Variants in AMTN observed in about 807,000 individuals in gnomAD.
The protein encoded by AMTN is RSTI689.
A neutral mutation model predicts 27.4 loss-of-function variants in AMTN; 29 were observed. That is an observed-to-expected ratio of 1.06 (90% CI 0.79 to 1.44). AMTN has a LOEUF of 1.44. Ranked by LOEUF, AMTN falls within the 40% of genes most tolerant of loss-of-function variation. The pLI is 0.00. For missense variants in AMTN, 247 were observed against 248.8 expected (o/e 0.99, Z 0.05); for synonymous variants, 86 against 95.7 (o/e 0.90, Z 0.59).
Position 70,532,527 on chromosome 4 carries a change from A to G in AMTN, c.*62A>G. The G allele has an allele frequency of 7.0e-7, 1 of 1,433,528 alleles. No individual in the cohort carries two copies. Among genetic ancestry groups the G allele is most frequent in the South Asian group, 1.2e-5 (1 of 84,358 alleles). The allele number at this position is 1,433,528 out of a possible 1,614,324, so 88.8% of individuals were successfully genotyped here. A position where few individuals can be genotyped will look rare whatever the true frequency, so the allele number is the denominator to read the frequency against. On this transcript the variant is annotated 3_prime_UTR_variant, in exon 9 of 9. Coordinates refer to ENST00000339336, the MANE Select transcript of AMTN (RefSeq NM_212557.4). ...TTGGTGATACATGTGAATCTTTATC[A>G]TTGATTATATTATGGAATAGATTGA...
intron 8 of AMTN, among the ~76,000 whole-genome samples, chr4:70,532,017 T>C (rs1336024200): frequency 1.3e-5 from 2 of 152,172 alleles, no homozygotes; most frequent in Non-Finnish European, 2.9e-5. Flanking sequence ...TGAAAATACT[T>C]GAAAGCAGAA....
intron 8 of AMTN, 141 bp downstream of exon 8, chr4:70,531,441 C>A: frequency 9.2e-7 from 1 of 1,091,894 alleles, no homozygotes; most frequent in Non-Finnish European, 1.3e-6. Flanking sequence ...CAGTTAACTC[C>A]AGCAACATGA....
chr4:70,520,287 G>C (rs1313053072), intron 2 of AMTN, among the ~76,000 whole-genome samples: 1 of 152,162 alleles, frequency 6.6e-6, no homozygotes, highest in Non-Finnish European at 1.5e-5. Context: ...ATTCAGTATG[G>C]AAACAATACC....
At chr4:70,527,132 T>C (rs910643755) in intron 5 of AMTN, among the ~76,000 whole-genome samples, 1 of 152,236 alleles carries the variant, frequency 6.6e-6, no homozygotes, top group African/African-American at 2.4e-5. Context: ...AAATTTAAAA[T>C]GGGCATTAAA....
intron 5 of AMTN, among the ~76,000 whole-genome samples, 200 bp from the exon 6 acceptor site, chr4:70,528,523 A>T (rs1003540807): frequency 1.3e-5 from 2 of 151,730 alleles, no homozygotes; most frequent in Admixed American, 6.6e-5. Context: ...AGTAGCAGGC[A>T]ACTGTAATCC....
At chr4:70,518,931 T>C (rs1399987218) in intron 2 of AMTN, 100 bp downstream of exon 2, 2 of 942,806 alleles carry the variant, frequency 2.1e-6, no homozygotes, top group East Asian at 4.8e-5. Context: ...TGCTCTGTTT[T>C]GTGACTCATT....
intron 5 of AMTN, among the ~76,000 whole-genome samples, chr4:70,527,702 C>T (rs1456135741): frequency 6.6e-6 from 1 of 152,162 alleles, no homozygotes; most frequent in African/African-American, 2.4e-5. Flanking sequence ...ATTTTGATTA[C>T]TTTCCTGACA....
At chr4:70,525,037 T>A in intron 5 of AMTN, 76 bp downstream of exon 5, 1 of 1,400,512 alleles carries the variant, frequency 7.1e-7, no homozygotes, top group Non-Finnish European at 9.9e-7. Flanking sequence ...AGTAGAAATT[T>A]TTTAAAGCTT....
Position 70,518,782 on chromosome 4 carries a change from G to C in AMTN, c.5G>C (p.Arg2Thr). The C allele has an allele frequency of 1.9e-6, 3 of 1,604,720 alleles. No homozygotes were observed. Among genetic ancestry groups the C allele is most frequent in the Non-Finnish European group, 2.6e-6 (3 of 1,171,868 alleles). Residue 2 changes from arginine (R) to threonine (T), a missense_variant, in exon 2 of 9, where the codon AGG (arginine) becomes ACG (threonine). By Grantham distance (71) the Arg-to-Thr change is moderately conservative. Coordinates refer to ENST00000339336, the MANE Select transcript of AMTN (RefSeq NM_212557.4). ...TTGTAGGTAGCAATCTGAAACATGA[G>C]GAGTACGATTCTACTGTTTTGTCTT... M[R>T]STILLFCLLG...
intron 2 of AMTN, among the ~76,000 whole-genome samples, 162 bp from the exon 3 acceptor site, chr4:70,522,593 A>G (rs574797118): frequency 4.6e-5 from 7 of 152,230 alleles, no homozygotes; most frequent in South Asian, 4.2e-4. Flanking sequence ...TCCACTCTAC[A>G]TGTCCTACCA....
chr4:70,532,330 A>C, intron 8 of AMTN, 125 bp from the exon 9 acceptor site: 22 of 699,872 alleles, frequency 3.1e-5, no homozygotes, highest in Non-Finnish European at 4.4e-5. Context: ...AAATATCCTT[A>C]GAGATAACTA....
chr4:70,521,199 T>C (rs1735948698), intron 2 of AMTN, among the ~76,000 whole-genome samples: 2 of 151,902 alleles, frequency 1.3e-5, no homozygotes, highest in African/African-American at 2.4e-5. Flanking sequence ...ACCAATATGG[T>C]GAAACACCGT....
At position 70,518,844 on chromosome 4, in the gene AMTN, T is replaced by C. The variant is rs1253464764; in HGVS notation, c.54+13T>C. 1 of 1,604,160 alleles carries C rather than the reference T, an allele frequency of 6.2e-7. No individual in the cohort carries two copies. The highest frequency in any genetic ancestry group is 8.5e-7 in the Non-Finnish European group (1 of 1,170,902). ...TCGGTCATTACCAGTAAGTATGTTATGTTTGTTTTATATGCCAGCCAGTTT... is the reference window on the plus strand; with the variant it reads ...TCGGTCATTACCAGTAAGTATGTTACGTTTGTTTTATATGCCAGCCAGTTT... On this transcript the variant is annotated intron_variant, in intron 2 of 8. Transcript: ENST00000339336.
Position 70,532,708 on chromosome 4 carries a change from G to T in AMTN, c.*243G>T, listed in dbSNP as rs1560575693. On this transcript the variant is annotated 3_prime_UTR_variant, in exon 9 of 9. Transcript: ENST00000339336. ...TTGAAATATAACATTATGCTGCCTGGATGATATGCATATTAAAACATATTT... is the reference window on the plus strand; with the variant it reads ...TTGAAATATAACATTATGCTGCCTGTATGATATGCATATTAAAACATATTT... 9.5e-6 allele frequency: 4 copies of T among 422,550 alleles called. No homozygotes were observed. The highest frequency in any genetic ancestry group is 1.7e-5 in the Non-Finnish European group (4 of 238,500). 26.2% of individuals were successfully genotyped at this position (422,550 alleles called of 1,614,324 possible). A position where few individuals can be genotyped will look rare whatever the true frequency, so the allele number is the denominator to read the frequency against.
At chr4:70,530,913 T>A in intron 7 of AMTN, 126 bp from the exon 8 acceptor site, 1 of 1,302,584 alleles carries the variant, frequency 7.7e-7, no homozygotes, top group Non-Finnish European at 1.0e-6. Context: ...GAATGCCAGG[T>A]CTTTGCTGTC....
rs1381243065 is a variant in AMTN, at chr4:70,528,739, T to C, written c.311T>C (p.Val104Ala). ...QLHPHVLPIF[V>A]TQLGAQGTIL... ...TTTTTTCAGGTGTTACCAATTTTTGTCACACAACTTGGAGCCCAGGTAAAA... is the reference window on the plus strand; with the variant it reads ...TTTTTTCAGGTGTTACCAATTTTTGCCACACAACTTGGAGCCCAGGTAAAA... The change falls in exon 6 of 9, where the codon GTC becomes GCC. Residue 104 changes from valine to alanine, a missense_variant. By Grantham distance (64) the Val-to-Ala change is moderately conservative. Transcript: ENST00000339336. 2.5e-6 allele frequency: 4 copies of C among 1,605,242 alleles called. No individual in the cohort carries two copies. The highest frequency in any genetic ancestry group is 1.1e-5 in the South Asian group (1 of 89,068).
At chr4:70,525,547 A>C (rs1222124223) in intron 5 of AMTN, among the ~76,000 whole-genome samples, 1 of 152,206 alleles carries the variant, frequency 6.6e-6, no homozygotes, top group Non-Finnish European at 1.5e-5. Flanking sequence ...TTTGCATTTT[A>C]ACATTGAACA....
At chr4:70,529,082 T>A in intron 6 of AMTN, 102 bp from the exon 7 acceptor site, 1 of 1,107,310 alleles carries the variant, frequency 9.0e-7, no homozygotes, top group Non-Finnish European at 1.3e-6. Context: ...AAAATCTGTA[T>A]AATCTTTGAA....
chr4:70,527,102 T>G (rs539936218), intron 5 of AMTN, among the ~76,000 whole-genome samples: 14 of 152,210 alleles, frequency 9.2e-5, no homozygotes, highest in Non-Finnish European at 1.9e-4. Context: ...ACTTAACCAC[T>G]CTGTGGCTCA....
Sources: gnomAD v4.1 joint callset for allele counts (sites outside exome capture counted in the v4.1 genomes callset) on GRCh38, gnomAD v4.1.1 for gene constraint, MANE v1.5 for transcripts, NCBI Gene and HGNC (gene_info 2026-07-23, HGNC 2026-07-21) for gene names.